Variants in GLI2 observed in about 807,000 individuals in gnomAD.
The protein encoded by GLI2 is GLI family zinc finger 2.
A neutral mutation model predicts 78.9 loss-of-function variants in GLI2; 22 were observed. That is an observed-to-expected ratio of 0.28 (90% CI 0.20 to 0.40). The LOEUF is 0.40. GLI2 is among the 10% of genes least tolerant of loss of function. The pLI, the probability that GLI2 is intolerant of heterozygous loss-of-function variation, is 1.00. For synonymous variants in GLI2, 974 were observed against 963.7 expected (o/e 1.01, Z -0.20); for missense variants, 2,097 against 2,213.2 (o/e 0.95, Z 1.05).
At chr2:120,949,975 C>A (rs1440138311) in intron 3 of GLI2, among the ~76,000 whole-genome samples, 1 of 152,224 alleles carries the variant, frequency 6.6e-6, no homozygotes, top group Non-Finnish European at 1.5e-5. Context: ...TTTCACACGT[C>A]CAGCATCAAT....
intron 2 of GLI2, among the ~76,000 whole-genome samples, chr2:120,925,248 CTG>C (rs1410644942): frequency 5.3e-5 from 8 of 152,238 alleles, no homozygotes; most frequent in Non-Finnish European, 2.9e-5. Context: ...GTTGGGGAAA[CTG>C]ATTGAATCAG....
At position 120,940,361 on chromosome 2, in the gene GLI2, T is replaced by TGGGGGGGG. The variant is rs886580101; in HGVS notation, c.255-10880_255-10879insGGGGGGGG. Among the ~76,000 whole-genome samples the TGGGGGGGG allele has an allele frequency of 7.9e-5, 12 of 152,310 alleles. No individual in the cohort carries two copies. In the South Asian group the frequency reaches 2.1e-3, roughly 26 times the overall value. ...GATGTCTGGTCAGACCTTCAGCCTC[T>TGGGGGGGG]GGACTATAGTGGTTGTTCCCCAATA... is the stretch of plus-strand genomic sequence containing the variant. On this transcript the variant is annotated intron_variant, in intron 3 of 13. Transcript: ENST00000361492.
In GLI2 at chr2:120,800,201, C is replaced by T. The variant is rs1445953554; in HGVS notation, c.148+2733C>T. 1.3e-5 allele frequency among the ~76,000 whole-genome samples: 2 copies of T among 152,072 alleles called. No homozygotes were observed. The highest frequency in any genetic ancestry group is 6.5e-5 in the Admixed American group (1 of 15,272). ...AGGGACAGTGCCGCAGGGTGCACCC[C>T]GGGTGGATGCAAGGGTGTGGGGAGC... On this transcript the variant is annotated intron_variant, in intron 2 of 13. Coordinates refer to ENST00000361492, the MANE Select transcript of GLI2 (RefSeq NM_001374353.1). This position sits in a 1 kb window ranked among gnomAD's most constrained non-coding sequence, Gnocchi z 4.1.
intron 2 of GLI2, among the ~76,000 whole-genome samples, chr2:120,916,292 A>G (rs1476591855): frequency 6.6e-6 from 1 of 152,194 alleles, no homozygotes. Flanking sequence ...TCCTGTATGT[A>G]TAGGAGAGGC....
chr2:120,971,825 C>T (rs1318744423), intron 7 of GLI2, 116 bp from the exon 8 acceptor site: 2 of 905,310 alleles, frequency 2.2e-6, no homozygotes, highest in Non-Finnish European at 3.7e-6. Flanking sequence ...ATACTTTAAA[C>T]ACAGGGTTAG....
chr2:120,741,853 G>A (rs1423209984), intron 1 of GLI2, among the ~76,000 whole-genome samples: 1 of 152,188 alleles, frequency 6.6e-6, no homozygotes, highest in Non-Finnish European at 1.5e-5. Flanking sequence ...GCCGCCGCCG[G>A]CGAGTGGCGG....
chr2:120,926,117 T>G (rs1229351851), intron 2 of GLI2, among the ~76,000 whole-genome samples: 1 of 150,726 alleles, frequency 6.6e-6, no homozygotes, highest in East Asian at 1.9e-4. Context: ...ATGGTAAATT[T>G]CAGATGTCTT....
At chr2:120,807,420 G>A (rs1230239947) in intron 2 of GLI2, among the ~76,000 whole-genome samples, 3 of 152,186 alleles carry the variant, frequency 2.0e-5, no homozygotes, top group Non-Finnish European at 4.4e-5. Flanking sequence ...TAGTTCAGCT[G>A]TTAGTATTAT....
chr2:120,877,760 C>CTGT (rs1225628886), intron 2 of GLI2, among the ~76,000 whole-genome samples: 1 of 151,878 alleles, frequency 6.6e-6, no homozygotes, highest in African/African-American at 2.4e-5. Flanking sequence ...CACAATATAC[C>CTGT]AACGTTTTCT....
chr2:120,749,348 A>G (rs1473718155), intron 1 of GLI2, among the ~76,000 whole-genome samples: 1 of 152,200 alleles, frequency 6.6e-6, no homozygotes, highest in African/African-American at 2.4e-5. Flanking sequence ...TTAATTAGTG[A>G]TTAGTTTTAA....
At chr2:120,971,865 A>G in intron 7 of GLI2, 76 bp from the exon 8 acceptor site, 1 of 1,280,276 alleles carries the variant, frequency 7.8e-7, no homozygotes, top group Non-Finnish European at 1.1e-6. Context: ...GAGATCCTAG[A>G]GTTAAAGTCC....
At chr2:120,891,010 A>G (rs1038363159) in intron 2 of GLI2, among the ~76,000 whole-genome samples, 3 of 152,194 alleles carry the variant, frequency 2.0e-5, no homozygotes, top group African/African-American at 4.8e-5. Context: ...TTGTTCATTC[A>G]TTCATTCATC....
chr2:120,955,255 G>A lies in GLI2; in HGVS notation c.468G>A (p.Glu156=). ...CCCCTCTGCCCACAGTGGCCCAGGA[G>A]CACCTTAAGGAGAGGGGACTGTTTG... ...RGLSPADVAQ[E]HLKERGLFGL... is the part of the protein sequence containing the mutation. Residue 156 remains glutamate (E), a synonymous_variant, in exon 5 of 14, where the codon GAG becomes GAA. Coordinates refer to ENST00000361492, the MANE Select transcript of GLI2 (RefSeq NM_001374353.1). 1 of 1,582,380 alleles carries A rather than the reference G, an allele frequency of 6.3e-7. No homozygotes were observed.
At chr2:120,891,673 C>T (rs950028686) in intron 2 of GLI2, among the ~76,000 whole-genome samples, 1 of 152,144 alleles carries the variant, frequency 6.6e-6, no homozygotes, top group Non-Finnish European at 1.5e-5. Context: ...GGGCACCTCT[C>T]CTCTGGGGAG....
At chr2:120,780,853 T>C (rs1431201075) in intron 1 of GLI2, among the ~76,000 whole-genome samples, 2 of 152,142 alleles carry the variant, frequency 1.3e-5, no homozygotes, top group African/African-American at 4.8e-5. Context: ...CTTTCTGTCG[T>C]ATTTCTGAGC....
intron 9 of GLI2, among the ~76,000 whole-genome samples, chr2:120,977,471 G>C (rs11884493): frequency 0.046 from 7,072 of 152,238 alleles, 510 homozygotes; most frequent in African/African-American, 0.16. Flanking sequence ...GCTCAGGCCA[G>C]CCACATTTCA....
intron 1 of GLI2, among the ~76,000 whole-genome samples, chr2:120,754,724 A>ATATACAG (rs1558781109): frequency 1.3e-5 from 2 of 152,202 alleles, no homozygotes; most frequent in East Asian, 3.8e-4. Flanking sequence ...GGTTGCTTTG[A>ATATACAG]ACATTTCTGT....
chr2:120,909,460 A>G (rs1328493365), intron 2 of GLI2, among the ~76,000 whole-genome samples: 1 of 152,216 alleles, frequency 6.6e-6, no homozygotes, highest in African/African-American at 2.4e-5. Context: ...AGAAGGAAAG[A>G]AATGCTCAAA....
intron 1 of GLI2, among the ~76,000 whole-genome samples, chr2:120,743,981 C>A (rs114798471): frequency 6.6e-6 from 1 of 152,196 alleles, no homozygotes; most frequent in Non-Finnish European, 1.5e-5. Flanking sequence ...CTTAGCCAGC[C>A]GCTGTGCTCA....
Sources: allele counts gnomAD v4.1 joint callset (sites outside exome capture counted in the v4.1 genomes callset), GRCh38; gene constraint gnomAD v4.1.1; non-coding constraint Gnocchi (gnomAD v3.1); transcripts MANE v1.5; gene names NCBI Gene and HGNC (gene_info 2026-07-23, HGNC 2026-07-21).